The following CACHD1 variants were observed in gnomAD, a reference collection of about 807,000 sequenced individuals.
CACHD1 encodes the protein VWFA and cache domain-containing protein 1.
Under a neutral mutation model 138.7 loss-of-function variants are expected in CACHD1, and 71 were observed. The observed-to-expected ratio is 0.51, with a 90% CI of 0.42 to 0.62. The LOEUF (loss-of-function observed/expected upper bound fraction) is 0.62, where lower values mean the gene tolerates loss of function less well. CACHD1 is among the 20% of genes least tolerant of loss of function. The pLI is 0.00. For synonymous variants in CACHD1, 578 were observed against 591.5 expected (o/e 0.98, Z 0.33); for missense variants, 1,389 against 1,625.3 (o/e 0.85, Z 2.50).
At chr1:64,649,009 T>C (rs1020960520) in intron 9 of CACHD1, among the ~76,000 whole-genome samples, 1 of 152,180 alleles carries the variant, frequency 6.6e-6, no homozygotes, top group Admixed American at 6.5e-5. Context: ...AGTAGCTAAT[T>C]ATTAGCCAGA....
chr1:64,613,576 A>G (rs1042245779), intron 4 of CACHD1: 2 of 151,330 alleles, frequency 1.3e-5, no homozygotes, highest in African/African-American at 4.9e-5. Flanking sequence ...GTTTCAAGTG[A>G]CTCCTCTACA....
chr1:64,511,830 G>A (rs541316865), intron 1 of CACHD1, among the ~76,000 whole-genome samples: 6 of 152,262 alleles, frequency 3.9e-5, no homozygotes, highest in African/African-American at 1.4e-4. Context: ...AACTACAGTT[G>A]CCTTCCTTTG....
intron 7 of CACHD1, among the ~76,000 whole-genome samples, chr1:64,635,679 C>T (rs983509156): frequency 1.3e-5 from 2 of 151,576 alleles, no homozygotes; most frequent in Admixed American, 6.6e-5. Flanking sequence ...CCACGCCTGG[C>T]CTCTAATTTA....
chr1:64,568,982 C>T (rs7349187), intron 2 of CACHD1, among the ~76,000 whole-genome samples: 46,096 of 152,008 alleles, frequency 0.3, 8,484 homozygotes, highest in African/African-American at 0.52. Context: ...AGTGCAATGG[C>T]GTGATCTCAT....
intron 3 of CACHD1, among the ~76,000 whole-genome samples, chr1:64,586,526 A>G (rs1166863175): frequency 6.6e-6 from 1 of 151,912 alleles, no homozygotes; most frequent in Admixed American, 6.6e-5. Flanking sequence ...TACTAGGGAG[A>G]TTTGGTTTTG....
chr1:64,640,741 T>TTATATA (rs67605354), intron 7 of CACHD1, among the ~76,000 whole-genome samples: 14 of 149,406 alleles, frequency 9.4e-5, no homozygotes, highest in African/African-American at 3.3e-4. Context: ...ACTCTCAACA[T>TTATATA]TATATATATA....
At chr1:64,472,215 CCTT>C (rs1646149765) in intron 1 of CACHD1, among the ~76,000 whole-genome samples, 1 of 151,880 alleles carries the variant, frequency 6.6e-6, no homozygotes, top group African/African-American at 2.4e-5. Context: ...CTCGTCTTCT[CCTT>C]CTCTTCTTTC....
intron 1 of CACHD1, among the ~76,000 whole-genome samples, chr1:64,492,817 C>T (rs305558): frequency 0.083 from 12,645 of 152,196 alleles, 602 homozygotes; most frequent in East Asian, 0.16. Flanking sequence ...GTGAAAAGAA[C>T]AGGAAATTTA....
intron 1 of CACHD1, among the ~76,000 whole-genome samples, chr1:64,513,446 G>A (rs112097792): frequency 7.2e-5 from 11 of 152,290 alleles, no homozygotes; most frequent in African/African-American, 2.6e-4. Flanking sequence ...TCTGCTTTAT[G>A]TAAAGCACTG....
chr1:64,505,037 A>AT (rs1475411224), intron 1 of CACHD1, among the ~76,000 whole-genome samples: 1 of 152,100 alleles, frequency 6.6e-6, no homozygotes, highest in Non-Finnish European at 1.5e-5. Context: ...TCTGGAAATA[A>AT]TTTTTTTCTT....
rs1336559390 is a variant in CACHD1, at chr1:64,470,546, C to T, written c.-199C>T. On this transcript the variant is annotated 5_prime_UTR_variant, in exon 1 of 27. Transcript: ENST00000651257. The surrounding 1 kb of genome is among the most constrained non-coding windows in gnomAD (Gnocchi z 5.2). Reference sequence around the variant, plus strand: ...TCCTACCCCCACCGCCGCGGAGCCCCGCGATGGTGGCCGCCCGCGCTCCCG... The same window carrying T: ...TCCTACCCCCACCGCCGCGGAGCCCTGCGATGGTGGCCGCCCGCGCTCCCG... 6.6e-6 allele frequency among the ~76,000 whole-genome samples: 1 copy of T among 151,704 alleles called. No individual in the cohort carries two copies.
intron 3 of CACHD1, among the ~76,000 whole-genome samples, chr1:64,591,593 G>A (rs1570397407): frequency 2.0e-5 from 3 of 152,204 alleles, no homozygotes; most frequent in Admixed American, 2.0e-4. Context: ...TTGGTTGCTT[G>A]AATGAGGGAA....
rs117812328 is a variant in CACHD1 at position 64,611,798 on chromosome 1, A to G, written c.517+8886A>G. Among the ~76,000 whole-genome samples the G allele has an allele frequency of 2.4e-3, 373 of 152,294 alleles. 8 individuals are homozygous for G. The highest frequency in any genetic ancestry group is 0.019 in the East Asian group (97 of 5,184). On this transcript the variant is annotated intron_variant, in intron 4 of 26. Transcript: ENST00000651257. ...TACCCAGTCCCAAAGTCACTTCCAC[A>G]TTCTCAGGTATCTTTATAGCAGTGC... is the stretch of plus-strand genomic sequence containing the variant.
At chr1:64,634,017 G>C (rs76989668) in intron 6 of CACHD1, 27 bp from the exon 7 acceptor site, 9 of 1,214,814 alleles carry the variant, frequency 7.4e-6, no homozygotes, top group South Asian at 2.9e-5. Flanking sequence ...CAAGTTTGGT[G>C]GTTTTTTTTT....
chr1:64,551,535 G>A (rs1223789553), intron 2 of CACHD1, among the ~76,000 whole-genome samples: 1 of 152,170 alleles, frequency 6.6e-6, no homozygotes, highest in African/African-American at 2.4e-5. Flanking sequence ...AAAAACCAGA[G>A]TGTAGCAGAC....
intron 4 of CACHD1, among the ~76,000 whole-genome samples, chr1:64,623,549 A>G (rs563214266): frequency 6.3e-4 from 96 of 152,128 alleles, no homozygotes; most frequent in Non-Finnish European, 1.2e-3. Flanking sequence ...AGAACTAGGA[A>G]TCTCTGCTTT....
At chr1:64,664,123 C>T (rs1649545459) in intron 14 of CACHD1, 2 of 470,968 alleles carry the variant, frequency 4.2e-6, no homozygotes, top group African/African-American at 1.9e-5. Context: ...CTTTCCCAGC[C>T]CTGTCTTACC....
At chr1:64,591,455 A>G (rs1647099397) in intron 3 of CACHD1, among the ~76,000 whole-genome samples, 1 of 152,212 alleles carries the variant, frequency 6.6e-6, no homozygotes, top group African/African-American at 2.4e-5. Context: ...GGATCCTCAA[A>G]TGCTAGACTG....
chr1:64,541,669 A>C (rs1341675462), intron 1 of CACHD1, among the ~76,000 whole-genome samples: 1 of 132,796 alleles, frequency 7.5e-6, no homozygotes, highest in Non-Finnish European at 1.6e-5. Flanking sequence ...CAAAACCAAC[A>C]AAAAAAACAA....
Sources: allele counts gnomAD v4.1 joint callset (sites outside exome capture counted in the v4.1 genomes callset), GRCh38; gene constraint gnomAD v4.1.1; non-coding constraint Gnocchi (gnomAD v3.1); transcripts MANE v1.5; gene names NCBI Gene and HGNC (gene_info 2026-07-23, HGNC 2026-07-21).